Variants in EYA1 observed in about 807,000 individuals in gnomAD.
EYA1 encodes protein phosphatase EYA1.
EYA1 carries 16 observed loss-of-function variants against 82.0 expected under a neutral mutation model. That is an observed-to-expected ratio of 0.20 (90% CI 0.13 to 0.30). The LOEUF is 0.30. EYA1 is among the 10% of genes least tolerant of loss of function. EYA1 has a pLI of 1.00. For synonymous variants in EYA1, 261 were observed against 264.4 expected (o/e 0.99, Z 0.12); for missense variants, 633 against 730.7 (o/e 0.87, Z 1.54).
intron 2 of EYA1, among the ~76,000 whole-genome samples, chr8:71,528,109 C>T (rs1429083746): frequency 1.3e-5 from 2 of 152,148 alleles, no homozygotes; most frequent in African/African-American, 4.8e-5. Context: ...GTTCTTTAAG[C>T]TCTCACACTC....
At chr8:71,423,407 A>AT (rs1452293657) in intron 2 of EYA1, among the ~76,000 whole-genome samples, 3 of 152,056 alleles carry the variant, frequency 2.0e-5, no homozygotes, top group African/African-American at 7.2e-5. Flanking sequence ...TTATCTTTAT[A>AT]TTTTCTGATC....
intron 2 of EYA1, among the ~76,000 whole-genome samples, chr8:71,355,680 A>G (rs1342028997): frequency 6.6e-6 from 1 of 152,188 alleles, no homozygotes; most frequent in Non-Finnish European, 1.5e-5. Context: ...TCTGGGAAAT[A>G]ACAACAATTC....
intron 2 of EYA1, among the ~76,000 whole-genome samples, chr8:71,468,796 C>T (rs538439463): frequency 1.3e-5 from 2 of 152,202 alleles, no homozygotes; most frequent in South Asian, 4.1e-4. Flanking sequence ...CTCCTCTGAG[C>T]TCCTACAGCA....
chr8:71,433,503 G>A (rs753200210), intron 2 of EYA1, among the ~76,000 whole-genome samples: 2 of 152,130 alleles, frequency 1.3e-5, no homozygotes, highest in Non-Finnish European at 2.9e-5. Context: ...ATAGTTTCCC[G>A]GGAGAGCTTA....
At chr8:71,363,640 A>G (rs1343843226), upstream of EYA1, among the ~76,000 whole-genome samples, 1 of 152,196 alleles carries the variant, frequency 6.6e-6, no homozygotes, top group African/African-American at 2.4e-5. Flanking sequence ...TCAATATACT[A>G]AAGTATATAT....
At chr8:71,316,934 T>A (rs1003180514) in intron 7 of EYA1, among the ~76,000 whole-genome samples, 1 of 152,224 alleles carries the variant, frequency 6.6e-6, no homozygotes, top group Non-Finnish European at 1.5e-5. Context: ...ATGACAGCTG[T>A]CATTCCATTT....
chr8:71,253,473 CA>C (rs1440650203), intron 11 of EYA1, among the ~76,000 whole-genome samples: 2 of 152,124 alleles, frequency 1.3e-5, no homozygotes, highest in Admixed American at 6.5e-5. Flanking sequence ...GTGAGTATAG[CA>C]TATTTCTGTA....
At chr8:71,520,293 C>T (rs766430412) in intron 2 of EYA1, among the ~76,000 whole-genome samples, 20 of 151,926 alleles carry the variant, frequency 1.3e-4, no homozygotes, top group Admixed American at 1.3e-4. Context: ...CTAGGCAGTC[C>T]CTGAGCACTG....
chr8:71,456,434 A>G (rs1158715678), intron 2 of EYA1, among the ~76,000 whole-genome samples: 1 of 152,228 alleles, frequency 6.6e-6, no homozygotes, highest in Non-Finnish European at 1.5e-5. Flanking sequence ...ACCAAAAAAG[A>G]GTCCGCATTG....
chr8:71,505,928 G>A (rs986686928), intron 2 of EYA1, among the ~76,000 whole-genome samples: 5 of 152,116 alleles, frequency 3.3e-5, no homozygotes, highest in African/African-American at 1.2e-4. Context: ...TCATGAGAGT[G>A]AGTTCTCATG....
At chr8:71,221,701 A>T (rs907348268) in intron 12 of EYA1, among the ~76,000 whole-genome samples, 1 of 152,164 alleles carries the variant, frequency 6.6e-6, no homozygotes, top group Non-Finnish European at 1.5e-5. Flanking sequence ...TCTAAAAGTG[A>T]TAAATTGGCA....
rs79428994 is a variant in EYA1 at position 71,204,845 on chromosome 8, A to G, written c.1699-5425T>C. Among the ~76,000 whole-genome samples the G allele has an allele frequency of 6.8e-3, 1,035 of 152,308 alleles. 56 individuals carry two copies. The East Asian group carries it at 0.1, about 15-fold the overall frequency. ...ATTGTGCAACGTTGCTCTTTTATTT[A>G]TATATCTGCTTGCCCTCTAGACATA... On this transcript the variant is annotated intron_variant, in intron 17 of 17. Transcript: ENST00000340726.
At chr8:71,199,567 A>C in intron 17 of EYA1, 147 bp from the exon 18 acceptor site, 1 of 684,612 alleles carries the variant, frequency 1.5e-6, no homozygotes, top group Non-Finnish European at 2.7e-6. Context: ...TGTTTAAAAC[A>C]AAAATTCAAA....
intron 2 of EYA1, among the ~76,000 whole-genome samples, chr8:71,372,755 T>C (rs1330375162): frequency 2.0e-5 from 3 of 152,088 alleles, no homozygotes; most frequent in Non-Finnish European, 4.4e-5. Flanking sequence ...ATCAACTTAA[T>C]TCAACAATAC....
chr8:71,402,285 C>G (rs138924275), intron 2 of EYA1, among the ~76,000 whole-genome samples: 1 of 152,044 alleles, frequency 6.6e-6, no homozygotes, highest in African/African-American at 2.4e-5. Flanking sequence ...TTCAAAAAGA[C>G]GAAGTCCAGG....
At chr8:71,540,708 C>A (rs1490559855) in intron 1 of EYA1, among the ~76,000 whole-genome samples, 3 of 151,942 alleles carry the variant, frequency 2.0e-5, no homozygotes, top group Non-Finnish European at 2.9e-5. Flanking sequence ...TCTAATGAAC[C>A]AGAGACCCAT....
intron 1 of EYA1, among the ~76,000 whole-genome samples, chr8:71,359,584 G>A (rs1057154097): frequency 7.2e-5 from 11 of 152,162 alleles, no homozygotes; most frequent in Non-Finnish European, 1.5e-4. Context: ...AGTTAATAAT[G>A]TTCTGTGAAA....
chr8:71,303,303 G>A lies in EYA1; in HGVS notation c.557-3583C>T, dbSNP rs188437551. 3.1e-4 allele frequency among the ~76,000 whole-genome samples: 29 copies of A among 93,982 alleles called. 4 individuals carry two copies. The East Asian group carries it at 7.4e-3, about 24-fold the overall frequency. The allele number at this position is 93,982 out of a possible 152,430, so 61.7% of individuals were successfully genotyped here. A position where few individuals can be genotyped will look rare whatever the true frequency, so the allele number is the denominator to read the frequency against. ...GTGTTTATCAATCTCTGTGATGTAC[G>A]TACATTTGATATACACACACACACA... On this transcript the variant is annotated intron_variant, in intron 7 of 17. Coordinates refer to ENST00000340726, the MANE Select transcript of EYA1 (RefSeq NM_000503.6).
intron 16 of EYA1, among the ~76,000 whole-genome samples, chr8:71,213,135 T>C (rs1808732119): frequency 6.6e-6 from 1 of 152,068 alleles, no homozygotes. Context: ...GATGGTGAAA[T>C]CCTACTTCCA....
Sources: gnomAD v4.1 joint callset for allele counts (sites outside exome capture counted in the v4.1 genomes callset) on GRCh38, gnomAD v4.1.1 for gene constraint, MANE v1.5 for transcripts, NCBI Gene and HGNC (gene_info 2026-07-23, HGNC 2026-07-21) for gene names.